FAM228B: variants seen among roughly 807,000 people sequenced by gnomAD.
FAM228B encodes the protein family with sequence similarity 228 member B.
In FAM228B, 38 loss-of-function variants were observed where a neutral mutation model predicts 42.6. The observed-to-expected ratio is 0.89, with a 90% confidence interval of 0.69 to 1.17. FAM228B has a LOEUF of 1.17. Ranked by LOEUF, FAM228B falls within the 50% of genes most tolerant of loss-of-function variation. The pLI is 0.00. For missense variants in FAM228B, 344 were observed against 367.3 expected (o/e 0.94, Z 0.52); for synonymous variants, 109 against 122.3 (o/e 0.89, Z 0.72).
chr2:24,130,112 C>G (rs903903016), intron 2 of FAM228B, among the ~76,000 whole-genome samples: 1 of 152,182 alleles, frequency 6.6e-6, no homozygotes, highest in African/African-American at 2.4e-5. Flanking sequence ...TGGCTTTCAG[C>G]TTCATCTATG....
chr2:24,139,691 AC>A (rs1666701236), intron 5 of FAM228B, among the ~76,000 whole-genome samples: 1 of 152,204 alleles, frequency 6.6e-6, no homozygotes, highest in South Asian at 2.1e-4. Context: ...AATTCCATAG[AC>A]TTTTAAATTT....
chr2:24,093,123 A>G lies in FAM228B; in HGVS notation c.-209-2018A>G, dbSNP rs113901538. 1.8e-3 allele frequency among the ~76,000 whole-genome samples: 279 copies of G among 151,886 alleles called. 2 individuals are homozygous for G. Among genetic ancestry groups the G allele is most frequent in the African/African-American group, 6.4e-3 (266 of 41,340 alleles). ...GTCCCAAAACTATGTGTCCCCTCTCACTTTTTATTTTTATTTTTATTTTAT... is the reference window on the plus strand; with the variant it reads ...GTCCCAAAACTATGTGTCCCCTCTCGCTTTTTATTTTTATTTTTATTTTAT... On this transcript the variant is annotated intron_variant, in intron 2 of 10. Transcript: ENST00000613899.
rs1421619000 is a variant in FAM228B, at chr2:24,137,990, G to A, written c.250G>A (p.Val84Met). The A allele has an allele frequency of 6.5e-7, 1 of 1,548,780 alleles. No individual in the cohort carries two copies. The highest frequency in any genetic ancestry group is 8.7e-7 in the Non-Finnish European group (1 of 1,146,246). Residue 84 changes from valine (V) to methionine (M), a missense_variant, in exon 4 of 11, where the codon GTG (valine) becomes ATG (methionine). By Grantham distance (21) the Val-to-Met change is conservative. Transcript: ENST00000615575. Reference protein sequence around the residue: ...EMLYKRWVDCVADPLQKKIIE... With the variant: ...EMLYKRWVDCMADPLQKKIIE... Reference sequence around the variant, plus strand: ...GTTATATAAAAGATGGGTTGACTGTGTGGCAGATCCTCTTCAGAAGAAAAT... The same window carrying A: ...GTTATATAAAAGATGGGTTGACTGTATGGCAGATCCTCTTCAGAAGAAAAT...
Position 24,150,655 on chromosome 2 carries a change from C to A in FAM228B, c.686+3569C>A, listed in dbSNP as rs558944665. Among the ~76,000 whole-genome samples the A allele has an allele frequency of 2.6e-5, 4 of 152,168 alleles. No homozygotes were observed. In the South Asian group the frequency reaches 8.3e-4, roughly 32 times the overall value. ...GGCCAGGCTGGTCTTGAACTCCTGACCTCAAGTGATCCACCTGCTTCAGCC... is the reference window on the plus strand; with the variant it reads ...GGCCAGGCTGGTCTTGAACTCCTGAACTCAAGTGATCCACCTGCTTCAGCC... On this transcript the variant is annotated intron_variant, in intron 7 of 10. Coordinates refer to ENST00000615575, the MANE Select transcript of FAM228B (RefSeq NM_001145710.2).
intron 2 of FAM228B, chr2:24,083,248 C>CA: frequency 1.5e-6 from 2 of 1,362,742 alleles, no homozygotes; most frequent in East Asian, 4.7e-5. Flanking sequence ...TTTTTTTTTT[C>CA]AAAAATAAAT....
At chr2:24,162,333 T>C (rs889450074) in intron 8 of FAM228B, among the ~76,000 whole-genome samples, 2 of 152,198 alleles carry the variant, frequency 1.3e-5, no homozygotes, top group Admixed American at 6.5e-5. Context: ...CAGAGAATGG[T>C]ACATACTATC....
chr2:24,166,050 A>ATATATATATAT (rs1553334331), intron 9 of FAM228B: 1 of 11,668 alleles, frequency 8.6e-5, no homozygotes, highest in African/African-American at 1.6e-4. Context: ...CTAAAAAAAA[A>ATATATATATAT]AAAAATATAT....
At chr2:24,124,571 C>A (rs1318367354) in intron 2 of FAM228B, 111 bp downstream of exon 2, 1 of 653,360 alleles carries the variant, frequency 1.5e-6, no homozygotes, top group Non-Finnish European at 2.6e-6. Context: ...TTATTTCATT[C>A]TGTTTATTAT....
At chr2:24,125,930 A>G (rs1000403861) in intron 2 of FAM228B, among the ~76,000 whole-genome samples, 17 of 152,144 alleles carry the variant, frequency 1.1e-4, no homozygotes, top group African/African-American at 4.1e-4. Context: ...TACAGTATAT[A>G]TTTCTTTTCC....
intron 9 of FAM228B, among the ~76,000 whole-genome samples, chr2:24,166,929 G>A (rs139426806): frequency 9.2e-5 from 14 of 152,192 alleles, no homozygotes; most frequent in African/African-American, 2.6e-4. Context: ...AAAAAGTGGG[G>A]AGGCTGAAGA....
At chr2:24,142,060 A>G (rs891944980) in intron 5 of FAM228B, among the ~76,000 whole-genome samples, 2 of 152,198 alleles carry the variant, frequency 1.3e-5, no homozygotes, top group Admixed American at 6.5e-5. Context: ...CGTCTCGGGT[A>G]GGCTCTGCAG....
intron 5 of FAM228B, among the ~76,000 whole-genome samples, chr2:24,143,256 C>T (rs968688273): frequency 1.3e-5 from 2 of 152,072 alleles, no homozygotes; most frequent in Admixed American, 1.3e-4. Context: ...TCTCGGCTCA[C>T]TGCAACCTCC....
chr2:24,103,742 C>CT (rs1665650550), intron 3 of FAM228B, among the ~76,000 whole-genome samples: 1 of 152,230 alleles, frequency 6.6e-6, no homozygotes, highest in African/African-American at 2.4e-5. Flanking sequence ...CAGAGAATCG[C>CT]TATAGTCCAG....
At chr2:24,092,967 C>CA (rs1553326190) in intron 2 of FAM228B, among the ~76,000 whole-genome samples, 1 of 147,852 alleles carries the variant, frequency 6.8e-6, no homozygotes, top group East Asian at 2.0e-4. Flanking sequence ...CACACACACA[C>CA]CATGTACAGA....
chr2:24,162,681 T>C (rs1667312092), intron 8 of FAM228B, among the ~76,000 whole-genome samples: 1 of 152,158 alleles, frequency 6.6e-6, no homozygotes, highest in Admixed American at 6.5e-5. Flanking sequence ...CAAATGTCTA[T>C]CAGCTGATGA....
In FAM228B at chr2:24,101,745, C is replaced by T. The variant is rs544062799; in HGVS notation, c.-121+6516C>T. 8.7e-4 allele frequency among the ~76,000 whole-genome samples: 133 copies of T among 152,206 alleles called. 1 individual carries two copies. The highest frequency in any genetic ancestry group is 3.2e-3 in the African/African-American group (132 of 41,528). Reference sequence around the variant, plus strand: ...TCGCCCACGATGGAGTGCACTGGCGCGATCTCAGCTCACTGCAAGCTCCGC... The same window carrying T: ...TCGCCCACGATGGAGTGCACTGGCGTGATCTCAGCTCACTGCAAGCTCCGC... On this transcript the variant is annotated intron_variant, in intron 3 of 10. Transcript: ENST00000613899.
intron 1 of FAM228B, 92 bp from the exon 2 acceptor site, chr2:24,124,238 T>G: frequency 3.2e-6 from 2 of 627,996 alleles, no homozygotes; most frequent in South Asian, 2.3e-5. Context: ...TCAAAATCCA[T>G]TTTGCGTGTG....
chr2:24,159,897 T>C (rs1036467071), intron 7 of FAM228B, among the ~76,000 whole-genome samples: 7 of 152,208 alleles, frequency 4.6e-5, no homozygotes, highest in African/African-American at 1.7e-4. Context: ...TTTTCCGTCC[T>C]TTCTCTGTGG....
intron 9 of FAM228B, 93 bp downstream of exon 9, chr2:24,164,428 G>A (rs771247887): frequency 1.2e-5 from 17 of 1,360,936 alleles, no homozygotes; most frequent in Non-Finnish European, 1.7e-5. Flanking sequence ...TGTATGGCAG[G>A]CTTCCAGGAA....
Sources: allele counts gnomAD v4.1 joint callset (sites outside exome capture counted in the v4.1 genomes callset), GRCh38; gene constraint gnomAD v4.1.1; transcripts MANE v1.5; gene names NCBI Gene and HGNC (gene_info 2026-07-23, HGNC 2026-07-21).